TEC: variants seen among roughly 807,000 people sequenced by gnomAD.
TEC encodes the protein tec protein tyrosine kinase, also known as tyrosine-protein kinase Tec.
TEC carries 72 observed loss-of-function variants against 93.0 expected under a neutral mutation model. That is an observed-to-expected ratio of 0.77 (90% CI 0.64 to 0.94). The LOEUF is 0.94. Among genes scored for constraint, TEC ranks in the 40% least tolerant of loss-of-function variants. The pLI is 0.00. For synonymous variants in TEC, 249 were observed against 247.7 expected, an observed-to-expected ratio of 1.01 and a Z score of -0.05; for missense variants, 630 against 757.9, an observed-to-expected ratio of 0.83 and a Z score of 1.98.
chr4:48,176,896 C>T (rs536026830), intron 2 of TEC, among the ~76,000 whole-genome samples: 136 of 152,306 alleles, frequency 8.9e-4, no homozygotes, highest in Admixed American at 1.7e-3. Flanking sequence ...AACTTCCAGC[C>T]AGCTCTGTTT....
chr4:48,245,065 C>T (rs543416689), intron 1 of TEC, among the ~76,000 whole-genome samples: 2 of 152,088 alleles, frequency 1.3e-5, no homozygotes, highest in South Asian at 2.1e-4. Flanking sequence ...GAGGCCGAGG[C>T]GGGAGTATCA....
At chr4:48,223,897 C>A (rs1300888952) in intron 2 of TEC, among the ~76,000 whole-genome samples, 7 of 152,198 alleles carry the variant, frequency 4.6e-5, no homozygotes, top group Non-Finnish European at 1.5e-5. Flanking sequence ...CCAACAAAAA[C>A]CTTGGGCACC....
At chr4:48,243,393 A>C (rs756317141) in intron 1 of TEC, among the ~76,000 whole-genome samples, 21 of 152,242 alleles carry the variant, frequency 1.4e-4, no homozygotes, top group Non-Finnish European at 2.6e-4. Flanking sequence ...CTGTAAAATG[A>C]GGATGATGAT....
At chr4:48,259,992 A>T (rs1724454310) in intron 1 of TEC, among the ~76,000 whole-genome samples, 1 of 152,220 alleles carries the variant, frequency 6.6e-6, no homozygotes, top group Admixed American at 6.5e-5. Context: ...GCACAGTTAC[A>T]TAACAACTCT....
At chr4:48,263,734 C>T (rs1267430326) in intron 1 of TEC, among the ~76,000 whole-genome samples, 2 of 152,062 alleles carry the variant, frequency 1.3e-5, no homozygotes, top group Non-Finnish European at 2.9e-5. Context: ...AAGAAAGAAA[C>T]AGGAACAAGG....
intron 2 of TEC, among the ~76,000 whole-genome samples, chr4:48,191,626 A>G (rs1335621545): frequency 6.6e-6 from 1 of 152,236 alleles, no homozygotes; most frequent in East Asian, 1.9e-4. Context: ...AATATTTTAA[A>G]TAACTATTTT....
At chr4:48,216,019 T>C (rs539005452) in intron 2 of TEC, among the ~76,000 whole-genome samples, 1 of 152,328 alleles carries the variant, frequency 6.6e-6, no homozygotes, top group African/African-American at 2.4e-5. Flanking sequence ...TCCTCCTTAT[T>C]ACTAACAAAT....
At chr4:48,228,969 G>A (rs1454010496) in intron 1 of TEC, among the ~76,000 whole-genome samples, 1 of 152,180 alleles carries the variant, frequency 6.6e-6, no homozygotes, top group Non-Finnish European at 1.5e-5. Flanking sequence ...TTTGATTGCA[G>A]GGAACAAGTA....
Position 48,138,987 on chromosome 4 carries a change from C to T in TEC, c.1571G>A (p.Gly524Asp). 2 of 1,614,190 alleles carry T rather than the reference C, an allele frequency of 1.2e-6. No homozygotes were observed. Among genetic ancestry groups the T allele is most frequent in the Non-Finnish European group, 1.7e-6 (2 of 1,180,022 alleles). Reference sequence around the variant, plus strand: ...ACACCACTTCACAGGAAACTTAGCACCAGAAGAACTTGTGTACTGATCATC... The same window carrying T: ...ACACCACTTCACAGGAAACTTAGCATCAGAAGAACTTGTGTACTGATCATC... Reference protein sequence around the residue: ...VLDDQYTSSSGAKFPVKWCPP... With the variant: ...VLDDQYTSSSDAKFPVKWCPP... The change falls in exon 16 of 18, where the codon GGT (glycine) becomes GAT (aspartate). Residue 524 changes from glycine to aspartate, a missense_variant. Transcript: ENST00000381501.
chr4:48,228,321 C>A (rs1259527971), intron 2 of TEC, among the ~76,000 whole-genome samples, 156 bp downstream of exon 2: 72 of 152,216 alleles, frequency 4.7e-4, no homozygotes, highest in East Asian at 3.9e-4. Flanking sequence ...TTGTTAATTT[C>A]TATCCATACT....
At chr4:48,192,818 G>T (rs1011163934) in intron 2 of TEC, among the ~76,000 whole-genome samples, 5 of 152,168 alleles carry the variant, frequency 3.3e-5, no homozygotes, top group African/African-American at 1.2e-4. Flanking sequence ...AAATGAAAAT[G>T]AGTAATAAAT....
chr4:48,164,997 C>G (rs962251124), intron 7 of TEC, among the ~76,000 whole-genome samples: 1 of 151,680 alleles, frequency 6.6e-6, no homozygotes, highest in Non-Finnish European at 1.5e-5. Context: ...CGAGACAGAA[C>G]GAGACTCCAT....
At chr4:48,170,201 C>T (rs2271174) in intron 5 of TEC, 47 bp downstream of exon 5, 515,493 of 1,431,138 alleles carry the variant, frequency 0.36, 101,942 homozygotes, top group East Asian at 0.89. Flanking sequence ...ACCAATAATA[C>T]GTTCATTCTA....
intron 2 of TEC, among the ~76,000 whole-genome samples, chr4:48,221,461 G>T (rs372542787): frequency 6.6e-6 from 1 of 152,160 alleles, no homozygotes; most frequent in Non-Finnish European, 1.5e-5. Context: ...CGCCAGGATT[G>T]TAAGTTTCCT....
At chr4:48,200,828 C>T (rs1167311288) in intron 2 of TEC, among the ~76,000 whole-genome samples, 8 of 152,188 alleles carry the variant, frequency 5.3e-5, no homozygotes, top group Non-Finnish European at 1.0e-4. Flanking sequence ...TTGGCAAAAA[C>T]AAAAGATAAG....
intron 7 of TEC, among the ~76,000 whole-genome samples, chr4:48,167,554 G>C (rs896973244): frequency 1.3e-5 from 2 of 152,084 alleles, no homozygotes; most frequent in African/African-American, 2.4e-5. Context: ...AGATGAGAAA[G>C]AGACCAATGT....
rs146239185 is a variant in TEC, at chr4:48,245,135, A to C, written c.-45-16476T>G. On this transcript the variant is annotated intron_variant, in intron 1 of 17. Transcript: ENST00000381501. ...TGGTGAAACCCCATCTCTACTAAAA[A>C]TACAAAAATTTGCTGGGTGTGGTGG... Among the ~76,000 whole-genome samples the C allele has an allele frequency of 4.6e-3, 697 of 152,224 alleles. 6 individuals are homozygous for C. The highest frequency in any genetic ancestry group is 0.016 in the African/African-American group (663 of 41,522).
At chr4:48,227,012 A>C (rs1723488978) in intron 2 of TEC, among the ~76,000 whole-genome samples, 1 of 152,222 alleles carries the variant, frequency 6.6e-6, no homozygotes, top group African/African-American at 2.4e-5. Flanking sequence ...GCAGCTCCAC[A>C]TAATTAAATA....
chr4:48,142,289 G>A (rs565785254), intron 14 of TEC, among the ~76,000 whole-genome samples: 49 of 152,244 alleles, frequency 3.2e-4, no homozygotes, highest in Non-Finnish European at 1.5e-4. Flanking sequence ...TGGCCAACAT[G>A]ACAAAACCCC....
Sources: allele counts gnomAD v4.1 joint callset (sites outside exome capture counted in the v4.1 genomes callset), GRCh38; gene constraint gnomAD v4.1.1; transcripts MANE v1.5; gene names NCBI Gene and HGNC (gene_info 2026-07-23, HGNC 2026-07-21).